FAM193A: variants seen among roughly 807,000 people sequenced by gnomAD.
The protein encoded by FAM193A is family with sequence similarity 193 member A.
FAM193A carries 22 observed loss-of-function variants against 126.5 expected under a neutral mutation model. The observed-to-expected ratio is 0.17, with a 90% CI of 0.12 to 0.25. FAM193A has a LOEUF of 0.25. FAM193A is among the 10% of genes least tolerant of loss of function. The pLI is 1.00. For synonymous variants in FAM193A, 761 were observed against 646.8 expected, an observed-to-expected ratio of 1.18 and a Z score of -2.68; for missense variants, 1,675 against 1,672.8, an observed-to-expected ratio of 1.00 and a Z score of -0.02.
rs1278073095 is a variant in FAM193A at position 2,699,981 on chromosome 4, C to T, written c.3809C>T (p.Pro1270Leu). The change falls in exon 19 of 21, where the codon CCA (proline) becomes CTA (leucine). Residue 1270 changes from proline (P) to leucine (L), a missense_variant. Physicochemically the swap from Pro to Leu is moderately conservative, Grantham distance 98. This residue lies in a region of FAM193A where 415 missense variants were observed against 396.7 expected (regional missense o/e 1.05). Transcript: ENST00000637812. ...HNGSLEQTEE[P>L]ETSSHSPSRH... The stretch of plus-strand genomic sequence containing the variant: ...GGCTCACTAGAGCAAACTGAAGAAC[C>T]AGAAACCTCTTCTCACTCCCCATCC... 4.3e-6 allele frequency: 7 copies of T among 1,613,822 alleles called. No homozygotes were observed. In the Admixed American group the frequency reaches 6.7e-5, roughly 15 times the overall value.
intron 20 of FAM193A, among the ~76,000 whole-genome samples, chr4:2,729,639 C>T (rs541096745): frequency 1.3e-5 from 2 of 152,278 alleles, no homozygotes; most frequent in South Asian, 4.1e-4. Flanking sequence ...CAGACACATA[C>T]GGATTCGCCA....
At chr4:2,687,842 C>A (rs1715914742) in intron 13 of FAM193A, among the ~76,000 whole-genome samples, 1 of 152,214 alleles carries the variant, frequency 6.6e-6, no homozygotes, top group African/African-American at 2.4e-5. Flanking sequence ...TTGTCTTTGG[C>A]CTGGCTGCTG....
chr4:2,620,768 G>A (rs1402890651), intron 2 of FAM193A, among the ~76,000 whole-genome samples: 2 of 148,444 alleles, frequency 1.3e-5, no homozygotes, highest in Admixed American at 6.7e-5. Flanking sequence ...CCCAGGAGGC[G>A]GAGTTTGCAG....
intron 1 of FAM193A, among the ~76,000 whole-genome samples, chr4:2,555,778 C>T (rs1738218196): frequency 2.0e-5 from 3 of 146,582 alleles, no homozygotes; most frequent in Admixed American, 2.0e-4. Context: ...CCACCACACC[C>T]AGAGAATTTT....
In FAM193A at chr4:2,592,404, T is replaced by A. The variant is rs1429113048; in HGVS notation, c.256-3680T>A. ...CGCCCAGCCTGCTACATTTATTTTT[T>A]AAAAATATCAATGTAACTAGATTTC... is the stretch of plus-strand genomic sequence containing the variant. On this transcript the variant is annotated intron_variant, in intron 1 of 20. Transcript: ENST00000637812. Among the ~76,000 whole-genome samples the A allele has an allele frequency of 3.3e-5, 5 of 152,266 alleles. No homozygotes were observed. In the South Asian group the frequency reaches 6.2e-4, roughly 19 times the overall value.
intron 6 of FAM193A, among the ~76,000 whole-genome samples, chr4:2,644,055 A>T (rs1744894934): frequency 6.6e-6 from 1 of 152,188 alleles, no homozygotes; most frequent in African/African-American, 2.4e-5. Flanking sequence ...TGTATTTGCA[A>T]GCTCAATATT....
chr4:2,715,576 A>T, intron 19 of FAM193A: 3 of 939,946 alleles, frequency 3.2e-6, no homozygotes, highest in Non-Finnish European at 3.8e-6. Context: ...TTCGAGGGAC[A>T]GCCCTTTCCT....
intron 2 of FAM193A, among the ~76,000 whole-genome samples, chr4:2,611,724 A>G (rs1379599503): frequency 6.6e-6 from 1 of 152,224 alleles, no homozygotes; most frequent in African/African-American, 2.4e-5. Flanking sequence ...TAATCTCAAT[A>G]CAAGCCCTTT....
intron 20 of FAM193A, among the ~76,000 whole-genome samples, chr4:2,731,119 G>A (rs1406287982): frequency 1.3e-5 from 2 of 149,854 alleles, no homozygotes; most frequent in East Asian, 2.0e-4. Flanking sequence ...TCACTTCAAC[G>A]TGGGAGGCGG....
chr4:2,666,295 T>TA (rs1490661475), intron 12 of FAM193A, among the ~76,000 whole-genome samples: 8 of 152,240 alleles, frequency 5.3e-5, no homozygotes, highest in Non-Finnish European at 8.8e-5. Context: ...TTTATTTTGT[T>TA]ACCGTGGTGT....
intron 5 of FAM193A, among the ~76,000 whole-genome samples, chr4:2,639,251 A>T (rs1053998384): frequency 3.3e-5 from 5 of 152,170 alleles, no homozygotes; most frequent in African/African-American, 4.8e-5. Context: ...AAAAACCTTA[A>T]CTCTGATAGG....
Position 2,639,753 on chromosome 4 carries a change from A to C in FAM193A, c.1057A>C (p.Lys353Gln). ...TAACCAGGAAAATGAACACTTGAAA[A>C]AGTTCCAAGTGACGTGGGAACTGCA... ...LGTLENEHLK[K>Q]FQVTWELHNK... The change falls in exon 6 of 21, where the codon AAG becomes CAG. Residue 353 changes from lysine (K) to glutamine (Q), a missense_variant. By Grantham distance (53) the Lys-to-Gln change is moderately conservative. Transcript: ENST00000637812. 1 of 1,611,910 alleles carries C rather than the reference A, an allele frequency of 6.2e-7. No homozygotes were observed. The highest frequency in any genetic ancestry group is 8.5e-7 in the Non-Finnish European group (1 of 1,178,832).
intron 13 of FAM193A, among the ~76,000 whole-genome samples, chr4:2,681,892 C>CT (rs1469278864): frequency 2.6e-5 from 4 of 151,156 alleles, no homozygotes; most frequent in African/African-American, 9.7e-5. Context: ...TCATTTGTCT[C>CT]TAAGTATTTT....
intron 13 of FAM193A, among the ~76,000 whole-genome samples, chr4:2,688,545 C>T (rs1716005598): frequency 6.6e-6 from 1 of 152,116 alleles, no homozygotes; most frequent in Non-Finnish European, 1.5e-5. Context: ...GTGTCCAGGG[C>T]TTTGGTGAGC....
chr4:2,666,257 A>G (rs572326799), intron 12 of FAM193A, among the ~76,000 whole-genome samples: 4 of 152,230 alleles, frequency 2.6e-5, no homozygotes, highest in East Asian at 1.9e-4. Context: ...TCTTTTCTGC[A>G]TGTGTTGCGA....
At chr4:2,687,232 T>C (rs1157515271) in intron 13 of FAM193A, among the ~76,000 whole-genome samples, 1 of 152,166 alleles carries the variant, frequency 6.6e-6, no homozygotes, top group Non-Finnish European at 1.5e-5. Flanking sequence ...GTGTTTTGTG[T>C]CCAGGGACTC....
chr4:2,553,281 A>G (rs1466154460), intron 1 of FAM193A, among the ~76,000 whole-genome samples: 2 of 151,986 alleles, frequency 1.3e-5, no homozygotes, highest in South Asian at 2.1e-4. Context: ...ATGCGCGATG[A>G]TAGGACCTGT....
chr4:2,641,679 A>T (rs1744642690), intron 6 of FAM193A, among the ~76,000 whole-genome samples: 1 of 152,166 alleles, frequency 6.6e-6, no homozygotes, highest in African/African-American at 2.4e-5. Context: ...AAACAAACAA[A>T]CAAAAAGAAT....
chr4:2,544,910 G>A (rs948803933), intron 1 of FAM193A, among the ~76,000 whole-genome samples: 2 of 151,808 alleles, frequency 1.3e-5, no homozygotes, highest in Admixed American at 6.6e-5. Flanking sequence ...ACAATTTTCC[G>A]GATGTTCCCT....
Sources: gnomAD v4.1 joint callset for allele counts (sites outside exome capture counted in the v4.1 genomes callset) on GRCh38, gnomAD v4.1.1 for gene constraint, gnomAD v4.1.1 regional missense constraint, MANE v1.5 for transcripts, NCBI Gene and HGNC (gene_info 2026-07-23, HGNC 2026-07-21) for gene names.